The following L3MBTL3 variants were observed in gnomAD, a reference collection of about 807,000 sequenced individuals.
L3MBTL3 encodes the protein L3MBTL histone methyl-lysine binding protein 3.
A neutral mutation model predicts 102.3 loss-of-function variants in L3MBTL3; 27 were observed. The observed-to-expected ratio is 0.26, with a 90% CI of 0.19 to 0.36. The LOEUF is 0.36. L3MBTL3 is among the 10% of genes least tolerant of loss of function. The probability of loss-of-function intolerance (pLI) is 1.00; values close to 1 mark genes in which losing one functional copy is unlikely to be tolerated. For synonymous variants in L3MBTL3, 340 were observed against 320.9 expected, an observed-to-expected ratio of 1.06 and a Z score of -0.64; for missense variants, 798 against 955.3, an observed-to-expected ratio of 0.84 and a Z score of 2.17.
intron 22 of L3MBTL3, among the ~76,000 whole-genome samples, chr6:130,135,017 CCCTAAGT>C (rs141024642): frequency 0.13 from 19,191 of 150,166 alleles, 2,067 homozygotes; most frequent in African/African-American, 0.28. Flanking sequence ...GATTTTCTTT[CCCTAAGT>C]CCTGAGTGTC....
intron 10 of L3MBTL3, 44 bp from the exon 11 acceptor site, chr6:130,066,308 AT>A: frequency 9.9e-7 from 1 of 1,007,870 alleles, no homozygotes; most frequent in South Asian, 1.7e-5. Context: ...ATATATGAAT[AT>A]TCTGAGTTAA....
intron 2 of L3MBTL3, among the ~76,000 whole-genome samples, chr6:130,033,959 A>AAAG (rs1221062996): frequency 6.6e-6 from 1 of 152,232 alleles, no homozygotes; most frequent in African/African-American, 2.4e-5. Flanking sequence ...CCTTATTTGC[A>AAAG]GGTGCAGACT....
chr6:130,054,431 A>G (rs1237999894), intron 7 of L3MBTL3, among the ~76,000 whole-genome samples: 1 of 152,228 alleles, frequency 6.6e-6, no homozygotes, highest in Non-Finnish European at 1.5e-5. Context: ...GAATCAGGGA[A>G]ACCAGTTAGG....
intron 3 of L3MBTL3, among the ~76,000 whole-genome samples, chr6:130,046,278 A>C (rs1780720435): frequency 6.6e-6 from 1 of 152,088 alleles, no homozygotes; most frequent in South Asian, 2.1e-4. Flanking sequence ...CCAACAGTAA[A>C]ATTCACCGCA....
At chr6:130,103,913 A>G (rs1222389244) in intron 18 of L3MBTL3, among the ~76,000 whole-genome samples, 2 of 152,236 alleles carry the variant, frequency 1.3e-5, no homozygotes, top group African/African-American at 4.8e-5. Flanking sequence ...AACATCAGGC[A>G]TAGGTCCAGA....
chr6:130,028,902 T>G (rs1326029010), intron 2 of L3MBTL3, among the ~76,000 whole-genome samples: 2 of 152,196 alleles, frequency 1.3e-5, no homozygotes, highest in East Asian at 3.8e-4. Flanking sequence ...CTTAGCAGCC[T>G]AGTTGTTAGA....
rs141879172 is a variant in L3MBTL3 at position 130,028,615 on chromosome 6, A to G, written c.-16+6310A>G. On this transcript the variant is annotated intron_variant, in intron 2 of 22. Transcript: ENST00000361794. ...CTCCACAACAGACCTTAATTCCAAT[A>G]TATGTGTGATTCAGAGTACTTATCA... 1.8e-3 allele frequency among the ~76,000 whole-genome samples: 281 copies of G among 152,314 alleles called. 1 individual carries two copies. Among genetic ancestry groups the G allele is most frequent in the South Asian group, 0.011 (55 of 4,822 alleles).
At chr6:130,078,197 T>C (rs1783080309) in intron 13 of L3MBTL3, among the ~76,000 whole-genome samples, 1 of 152,202 alleles carries the variant, frequency 6.6e-6, no homozygotes, top group African/African-American at 2.4e-5. Flanking sequence ...ATAATTTTAG[T>C]TTTCCTATGT....
intron 22 of L3MBTL3, chr6:130,138,243 C>T (rs1008637680): frequency 4.6e-5 from 7 of 152,158 alleles, no homozygotes; most frequent in African/African-American, 1.7e-4. Context: ...CTAGGGCCAC[C>T]ATAACAATGC....
intron 2 of L3MBTL3, among the ~76,000 whole-genome samples, chr6:130,040,200 C>T (rs559352397): frequency 5.5e-4 from 84 of 151,740 alleles, no homozygotes; most frequent in Non-Finnish European, 1.0e-3. Context: ...TGGTGGTGGG[C>T]GCCTATAATC....
intron 17 of L3MBTL3, among the ~76,000 whole-genome samples, chr6:130,094,052 G>A (rs1784210051): frequency 6.6e-6 from 1 of 152,194 alleles, no homozygotes; most frequent in Non-Finnish European, 1.5e-5. Context: ...AAGATAACTA[G>A]TGTGAATAGT....
At position 130,133,537 on chromosome 6, in the gene L3MBTL3, C is replaced by T; in HGVS notation, c.2052C>T (p.Pro684=). 6.2e-7 allele frequency: 1 copy of T among 1,614,142 alleles called. No homozygotes were observed. Among genetic ancestry groups the T allele is most frequent in the Non-Finnish European group, 8.5e-7 (1 of 1,180,006 alleles). The part of the protein sequence containing the change: ...LSFKSPIPCL[P]LRWEQQSKLL... ...TTAAGTCCCCAATTCCATGTCTGCC[C>T]TTGCGCTGGGAGCAGCAAAGCAAAC... Residue 684 remains proline (P), a synonymous_variant, in exon 21 of 23, where the codon CCC becomes CCT. Transcript: ENST00000361794. The surrounding 1 kb of genome is among the most constrained non-coding windows in gnomAD (Gnocchi z 4.9).
At position 130,133,324 on chromosome 6, in the gene L3MBTL3, T is replaced by C. The variant is rs1201999172; in HGVS notation, c.1967-128T>C. 4 of 801,224 alleles carry C rather than the reference T, an allele frequency of 5.0e-6. No homozygotes were observed. The highest frequency in any genetic ancestry group is 6.0e-6 in the Non-Finnish European group (3 of 503,324). 49.6% of individuals were successfully genotyped at this position (801,224 alleles called of 1,614,324 possible). On this transcript the variant is annotated intron_variant, in intron 20 of 22. Transcript: ENST00000361794. This position sits in a 1 kb window ranked among gnomAD's most constrained non-coding sequence, Gnocchi z 4.9. ...AGACAAAGAAGAGCCTATTCAATAG[T>C]ATAATGCTGAAAGGAACCAATGCTT...
In L3MBTL3 at chr6:130,104,469, C is replaced by T. The variant is rs773534665; in HGVS notation, c.1780C>T (p.Arg594Cys). ...TTCAGAAATCAATTTGAATAAAGAC[C>T]GTATTTTTCCAGACCGCTTAAGTGG... ...PYSEINLNKD[R>C]IFPDRLSGEM... The change falls in exon 19 of 23, where the codon CGT (arginine) becomes TGT (cysteine). Residue 594 changes from arginine (R) to cysteine (C), a missense_variant. By Grantham distance (180) the Arg-to-Cys change is radical. Coordinates refer to ENST00000361794, the MANE Select transcript of L3MBTL3 (RefSeq NM_032438.4). 92 of 1,595,658 alleles carry T rather than the reference C, an allele frequency of 5.8e-5. No individual in the cohort carries two copies. The highest frequency in any genetic ancestry group is 7.5e-5 in the Non-Finnish European group (88 of 1,171,926).
At chr6:130,112,495 G>C (rs1785416288) in intron 19 of L3MBTL3, among the ~76,000 whole-genome samples, 1 of 152,190 alleles carries the variant, frequency 6.6e-6, no homozygotes, top group African/African-American at 2.4e-5. Flanking sequence ...TCATTAATTA[G>C]AGTGGTATGT....
At chr6:130,070,865 G>T in intron 12 of L3MBTL3, 111 bp from the exon 13 acceptor site, 6 of 305,452 alleles carry the variant, frequency 2.0e-5, no homozygotes, top group Admixed American at 5.6e-5. Context: ...TTTAAATTAT[G>T]TGAATACAGC....
chr6:130,104,526 A>G lies in L3MBTL3; in HGVS notation c.1837A>G (p.Arg613Gly). 1.3e-6 allele frequency: 2 copies of G among 1,594,192 alleles called. No individual in the cohort carries two copies. The highest frequency in any genetic ancestry group is 1.7e-6 in the Non-Finnish European group (2 of 1,171,810). The change falls in exon 19 of 23, where the codon AGA becomes GGA. Residue 613 changes from arginine to glycine, a missense_variant. Arg to Gly is a moderately radical substitution (Grantham distance 125, BLOSUM62 -2). Around this residue, in one of 4 missense-constraint regions of L3MBTL3, gnomAD observed 306 missense variants for 314.4 expected, o/e 0.97. Transcript: ENST00000361794. ...GCCTCCGGCTAGTCCGTCATTTCCA[A>G]GAAATAAAAGGACAGATGCAAATGA... ...EMPPASPSFP[R>G]NKRTDANESS...
intron 16 of L3MBTL3, among the ~76,000 whole-genome samples, chr6:130,088,235 A>G (rs1408082929): frequency 6.6e-6 from 1 of 152,190 alleles, no homozygotes; most frequent in Admixed American, 6.5e-5. Flanking sequence ...TCATAGCTGA[A>G]GATGAACCAT....
At position 130,051,362 on chromosome 6, in the gene L3MBTL3, G is replaced by C; in HGVS notation, c.403G>C (p.Gly135Arg). The change falls in exon 6 of 23, where the codon GGA (glycine) becomes CGA (arginine). Residue 135 changes from glycine to arginine, a missense_variant. By Grantham distance (125) the Gly-to-Arg change is moderately radical. This residue lies in a region of L3MBTL3 where 434 missense variants were observed against 506.6 expected (regional missense o/e 0.86). Coordinates refer to ENST00000361794, the MANE Select transcript of L3MBTL3 (RefSeq NM_032438.4). ...TGGCAACGTAGATGAGTGTCTTTCT[G>C]GAGGAAACTATTGCAGCCAGAATTG... The part of the protein sequence containing the change: ...QYGNVDECLS[G>R]GNYCSQNCAR... 1 of 1,614,010 alleles carries C rather than the reference G, an allele frequency of 6.2e-7. No individual in the cohort carries two copies.
Sources: gnomAD v4.1 joint callset for allele counts (sites outside exome capture counted in the v4.1 genomes callset) on GRCh38, gnomAD v4.1.1 for gene constraint, gnomAD v4.1.1 regional missense constraint, Gnocchi (gnomAD v3.1) non-coding constraint, MANE v1.5 for transcripts, NCBI Gene and HGNC (gene_info 2026-07-23, HGNC 2026-07-21) for gene names.